NFIB: variants seen among roughly 807,000 people sequenced by gnomAD.
NFIB encodes the protein nuclear factor 1 B-type.
Under a neutral mutation model 61.5 loss-of-function variants are expected in NFIB, and 11 were observed. The ratio of observed to expected loss-of-function variants is 0.18; its 90% CI spans 0.11 to 0.30. The LOEUF (loss-of-function observed/expected upper bound fraction) is 0.30. Ranked by LOEUF, NFIB falls within the 10% of genes least tolerant of loss-of-function variation. The pLI, the probability that NFIB is intolerant of heterozygous loss-of-function variation, is 1.00. For missense variants in NFIB, 471 were observed against 608.9 expected (o/e 0.77, Z 2.38); for synonymous variants, 260 against 216.5 (o/e 1.20, Z -1.76).
At chr9:14,281,110 GT>G (rs1265302012) in intron 2 of NFIB, among the ~76,000 whole-genome samples, 1 of 152,146 alleles carries the variant, frequency 6.6e-6, no homozygotes, top group Non-Finnish European at 1.5e-5. Flanking sequence ...CCTAAAATCT[GT>G]ATTGTGGTTG....
At chr9:14,097,025 CATATTATTCAAAAGCCAGA>C (rs2034901443) in intron 10 of NFIB, among the ~76,000 whole-genome samples, 1 of 152,154 alleles carries the variant, frequency 6.6e-6, no homozygotes, top group African/African-American at 2.4e-5. Flanking sequence ...CAAATCCCAA[CATATTATTCAAAAGCCAGA>C]CCACAGATGT....
chr9:14,370,749 G>A (rs2061348779), intron 1 of NFIB, among the ~76,000 whole-genome samples: 1 of 152,126 alleles, frequency 6.6e-6, no homozygotes, highest in African/African-American at 2.4e-5. Flanking sequence ...TTTGCCATAG[G>A]GCTTTTTTGA....
chr9:14,099,369 TG>T lies in NFIB; in HGVS notation c.1468-11044del, dbSNP rs1034228895. ...TCAGATGATTCTAAAGCCATAGCCA[TG>T]CCCTGAAGATTTTAGATGTCTATTA... On this transcript the variant is annotated intron_variant, in intron 10 of 10. Coordinates refer to ENST00000380953, the MANE Select transcript of NFIB (RefSeq NM_001190737.2). 3.0e-4 allele frequency among the ~76,000 whole-genome samples: 45 copies of T among 152,230 alleles called. 2 individuals carry two copies.
the NFIB span, among the ~76,000 whole-genome samples, chr9:14,423,692 T>G: frequency 6.6e-6 from 1 of 152,196 alleles, no homozygotes; most frequent in South Asian, 2.1e-4. Flanking sequence ...GGGAACCTAT[T>G]TGAAGATCAT....
At chr9:14,444,713 T>G in the NFIB span, among the ~76,000 whole-genome samples, 3 of 152,208 alleles carry the variant, frequency 2.0e-5, no homozygotes, top group South Asian at 6.2e-4. Context: ...CTCTTTGACT[T>G]TTAAAAAATT....
At chr9:14,492,430 G>A in the NFIB span, among the ~76,000 whole-genome samples, 2 of 151,612 alleles carry the variant, frequency 1.3e-5, no homozygotes, top group Non-Finnish European at 2.9e-5. Context: ...AAGAAAAGAG[G>A]TTTACTTGGC....
At chr9:14,391,556 G>T (rs941992847) in intron 1 of NFIB, among the ~76,000 whole-genome samples, 1 of 151,328 alleles carries the variant, frequency 6.6e-6, no homozygotes, top group African/African-American at 2.4e-5. Context: ...GCACTAAGAG[G>T]ATTTAAATGA....
At chr9:14,216,303 GA>G (rs1344454771) in intron 2 of NFIB, among the ~76,000 whole-genome samples, 3 of 152,242 alleles carry the variant, frequency 2.0e-5, no homozygotes, top group African/African-American at 7.2e-5. Flanking sequence ...TATCCCACTG[GA>G]AAGGTGTGCA....
At chr9:14,125,537 C>T in intron 7 of NFIB, 95 bp downstream of exon 7, 1 of 1,501,878 alleles carries the variant, frequency 6.7e-7, no homozygotes, top group Non-Finnish European at 8.9e-7. Context: ...AATATGGTTG[C>T]CATAGCTCTA....
chr9:14,287,157 C>T (rs1351730879), intron 2 of NFIB, among the ~76,000 whole-genome samples: 59 of 152,098 alleles, frequency 3.9e-4, no homozygotes, highest in Admixed American at 3.8e-3. Flanking sequence ...ATAGGCCGGG[C>T]GCGGTGGCTC....
At chr9:14,379,578 T>C (rs951896091) in intron 1 of NFIB, among the ~76,000 whole-genome samples, 1 of 152,228 alleles carries the variant, frequency 6.6e-6, no homozygotes, top group African/African-American at 2.4e-5. Flanking sequence ...TGTGGTATTA[T>C]ATCGTCACTT....
intron 2 of NFIB, among the ~76,000 whole-genome samples, chr9:14,197,739 T>A (rs2048612788): frequency 1.3e-5 from 2 of 152,148 alleles, no homozygotes; most frequent in Admixed American, 6.6e-5. Flanking sequence ...TGTCAGAAAG[T>A]CAGAGGTGTC....
At chr9:14,203,387 A>G (rs951120536) in intron 2 of NFIB, among the ~76,000 whole-genome samples, 1 of 152,242 alleles carries the variant, frequency 6.6e-6, no homozygotes, top group African/African-American at 2.4e-5. Context: ...AACCCGGTTA[A>G]TTGAAAAGTG....
chr9:14,488,804 T>C, the NFIB span, among the ~76,000 whole-genome samples: 1 of 152,222 alleles, frequency 6.6e-6, no homozygotes, highest in Non-Finnish European at 1.5e-5. Flanking sequence ...TTTGAGTGAA[T>C]GTCAAAGATG....
chr9:14,126,208 T>C (rs1001818575), intron 6 of NFIB, among the ~76,000 whole-genome samples: 4 of 152,226 alleles, frequency 2.6e-5, no homozygotes, highest in African/African-American at 9.6e-5. Flanking sequence ...ACAGCTTTTA[T>C]GGAAAACTCA....
chr9:14,336,801 C>T (rs564027209), intron 1 of NFIB, among the ~76,000 whole-genome samples: 78 of 151,978 alleles, frequency 5.1e-4, no homozygotes, highest in Non-Finnish European at 1.0e-3. Flanking sequence ...AAGTAAGAAG[C>T]GCTGCTGAAT....
chr9:14,399,183 T>A (rs925623171), upstream of NFIB, among the ~76,000 whole-genome samples: 5 of 152,238 alleles, frequency 3.3e-5, no homozygotes, highest in African/African-American at 1.2e-4. Flanking sequence ...GGAATTAATT[T>A]TACCTTTTCA....
chr9:14,246,276 C>T (rs967032191), intron 2 of NFIB, among the ~76,000 whole-genome samples: 2 of 152,252 alleles, frequency 1.3e-5, no homozygotes, highest in South Asian at 4.2e-4. Flanking sequence ...TGGCAAGGCA[C>T]TGGTATTCTA....
At chr9:14,443,872 A>G in the NFIB span, among the ~76,000 whole-genome samples, 1 of 152,208 alleles carries the variant, frequency 6.6e-6, no homozygotes, top group South Asian at 2.1e-4. Flanking sequence ...GAGGTCCTCA[A>G]TTAATATTTA....
Sources: gnomAD v4.1 joint callset for allele counts (sites outside exome capture counted in the v4.1 genomes callset) on GRCh38, gnomAD v4.1.1 for gene constraint, MANE v1.5 for transcripts, NCBI Gene and HGNC (gene_info 2026-07-23, HGNC 2026-07-21) for gene names.